The following PRKN variants were observed in gnomAD, a reference collection of about 807,000 sequenced individuals.
PRKN encodes parkin RBR E3 ubiquitin protein ligase, also known as E3 ubiquitin-protein ligase parkin.
Under a neutral mutation model 59.5 loss-of-function variants are expected in PRKN, and 56 were observed. The ratio of observed to expected loss-of-function variants is 0.94; its 90% CI spans 0.76 to 1.18. PRKN has a LOEUF of 1.18. PRKN is among the 50% of genes most tolerant of loss of function. The pLI is 0.00. For missense variants in PRKN, 657 were observed against 596.4 expected, an observed-to-expected ratio of 1.10 and a Z score of -1.06; for synonymous variants, 250 against 222.1, an observed-to-expected ratio of 1.13 and a Z score of -1.12.
At chr6:162,138,711 T>C (rs778270807) in intron 4 of PRKN, among the ~76,000 whole-genome samples, 1 of 151,900 alleles carries the variant, frequency 6.6e-6, no homozygotes, top group Non-Finnish European at 1.5e-5. Flanking sequence ...AAGTCTCAAA[T>C]GTAATATATG....
At chr6:162,715,559 G>T (rs1778690674) in intron 1 of PRKN, among the ~76,000 whole-genome samples, 2 of 152,102 alleles carry the variant, frequency 1.3e-5, no homozygotes, top group Non-Finnish European at 2.9e-5. Flanking sequence ...GCTTAATTTG[G>T]CTACTGGCAA....
chr6:162,351,163 C>T (rs1482934336), intron 2 of PRKN, among the ~76,000 whole-genome samples: 1 of 152,080 alleles, frequency 6.6e-6, no homozygotes, highest in Non-Finnish European at 1.5e-5. Context: ...TGTACTCCGG[C>T]CTGGGCCACA....
At chr6:161,596,884 A>G (rs745574967) in intron 7 of PRKN, among the ~76,000 whole-genome samples, 1 of 152,212 alleles carries the variant, frequency 6.6e-6, no homozygotes, top group Non-Finnish European at 1.5e-5. Context: ...ATGTCTCGGC[A>G]GCAGGGACTC....
intron 2 of PRKN, among the ~76,000 whole-genome samples, chr6:162,287,084 G>T (rs1781225737): frequency 6.6e-6 from 1 of 152,142 alleles, no homozygotes; most frequent in African/African-American, 2.4e-5. Flanking sequence ...TGTCTCCAAA[G>T]GCTGTCCCAT....
intron 6 of PRKN, among the ~76,000 whole-genome samples, chr6:161,944,337 T>C (rs894192278): frequency 1.3e-5 from 2 of 152,206 alleles, no homozygotes; most frequent in East Asian, 1.9e-4. Context: ...GGATACCCTG[T>C]AGTGCTCTTT....
intron 2 of PRKN, among the ~76,000 whole-genome samples, chr6:162,442,591 C>A (rs1308558119): frequency 6.6e-6 from 1 of 152,124 alleles, no homozygotes; most frequent in Non-Finnish European, 1.5e-5. Context: ...GTGTGTAGGG[C>A]TTTCATGGGG....
rs183784215 is a variant in PRKN, at chr6:162,503,298, G to C, written c.8-59825C>G. ...CCGCCTCAGCCTCCTGAGTAGGTGG[G>C]ATTACAGGCGCCCACCACTATGCCT... On this transcript the variant is annotated intron_variant, in intron 1 of 11. Transcript: ENST00000366898. Among the ~76,000 whole-genome samples the C allele has an allele frequency of 5.3e-3, 804 of 151,770 alleles. 6 individuals carry two copies. Among genetic ancestry groups the C allele is most frequent in the African/African-American group, 0.019 (777 of 41,372 alleles).
rs1252969393 is a variant in PRKN at position 162,379,692 on chromosome 6, G to A, written c.171+63618C>T. 2.6e-5 allele frequency among the ~76,000 whole-genome samples: 4 copies of A among 152,250 alleles called. No homozygotes were observed. The East Asian group carries it at 7.8e-4, about 30-fold the overall frequency. On this transcript the variant is annotated intron_variant, in intron 2 of 11. Coordinates refer to ENST00000366898, the MANE Select transcript of PRKN (RefSeq NM_004562.3). ...CATGCATGTGGACAGAGCTAGGCAG[G>A]TTTCCTTGGCGTCTCCTGGGGACGT...
At chr6:161,962,377 C>T (rs1583410211) in intron 6 of PRKN, among the ~76,000 whole-genome samples, 1 of 151,910 alleles carries the variant, frequency 6.6e-6, no homozygotes, top group East Asian at 1.9e-4. Context: ...ATAAAATTGC[C>T]ATTAGAAATA....
intron 6 of PRKN, among the ~76,000 whole-genome samples, chr6:161,839,498 C>T (rs986404972): frequency 1.3e-5 from 2 of 152,106 alleles, no homozygotes; most frequent in South Asian, 2.1e-4. Context: ...ACTGCATCCT[C>T]GCAGCCCAGG....
chr6:161,930,559 C>T (rs771759583), intron 6 of PRKN, among the ~76,000 whole-genome samples: 2 of 152,092 alleles, frequency 1.3e-5, no homozygotes, highest in Non-Finnish European at 2.9e-5. Flanking sequence ...ATGTTCTTGC[C>T]CATTGTAGAA....
At position 162,148,985 on chromosome 6, in the gene PRKN, C is replaced by T. The variant is rs143726530; in HGVS notation, c.534+52146G>A. ...AGGGTGGGGGTACTTACGGGACAAA[C>T]AGATTCTTCTCATTCATTCATACTT... On this transcript the variant is annotated intron_variant, in intron 4 of 11. Coordinates refer to ENST00000366898, the MANE Select transcript of PRKN (RefSeq NM_004562.3). Among the ~76,000 whole-genome samples, 153 of 152,204 alleles carry T rather than the reference C, an allele frequency of 1.0e-3. 1 individual carries two copies. Among genetic ancestry groups the T allele is most frequent in the African/African-American group, 3.0e-3 (124 of 41,502 alleles).
chr6:162,005,816 T>C (rs1782229585), intron 5 of PRKN, among the ~76,000 whole-genome samples: 1 of 152,146 alleles, frequency 6.6e-6, no homozygotes, highest in South Asian at 2.1e-4. Flanking sequence ...GTGCTAGATG[T>C]CAGGGTTGGA....
chr6:161,775,418 T>G (rs115402802), intron 7 of PRKN, among the ~76,000 whole-genome samples: 6,512 of 152,062 alleles, frequency 0.043, 456 homozygotes, highest in African/African-American at 0.14. Context: ...AATTTTTAAA[T>G]TTTTTGTAGA....
chr6:162,586,014 T>C (rs1781037234), intron 1 of PRKN, among the ~76,000 whole-genome samples: 1 of 152,140 alleles, frequency 6.6e-6, no homozygotes, highest in African/African-American at 2.4e-5. Flanking sequence ...CAATTTACAT[T>C]ATTTAACACA....
chr6:162,605,695 G>A (rs192626365), intron 1 of PRKN, among the ~76,000 whole-genome samples: 3 of 151,972 alleles, frequency 2.0e-5, no homozygotes, highest in Non-Finnish European at 4.4e-5. Context: ...GAAGTACTAG[G>A]GTAATGATTT....
chr6:161,535,946 G>A (rs1024405190), intron 9 of PRKN, among the ~76,000 whole-genome samples: 1 of 78,042 alleles, frequency 1.3e-5, no homozygotes, highest in Non-Finnish European at 2.4e-5. Context: ...TAGCCAGAGA[G>A]GAACAAAAAG....
intron 8 of PRKN, among the ~76,000 whole-genome samples, chr6:161,567,042 T>TTG (rs1554277348): frequency 8.0e-6 from 1 of 125,766 alleles, no homozygotes; most frequent in African/African-American, 3.1e-5. Context: ...TTTTTTTGTG[T>TTG]GTGTGTGTGT....
chr6:161,355,156 C>G lies in PRKN; in HGVS notation c.1285+4932G>C, dbSNP rs1784699351. 6.6e-6 allele frequency among the ~76,000 whole-genome samples: 1 copy of G among 152,212 alleles called. No homozygotes were observed. ...GAGCAGCAGGGGCTGCCTCCGCACA[C>G]CGGCGCGCGCACACCCGGTGTCTTT... On this transcript the variant is annotated intron_variant, in intron 11 of 11. Coordinates refer to ENST00000366898, the MANE Select transcript of PRKN (RefSeq NM_004562.3). The surrounding 1 kb of genome is among the most constrained non-coding windows in gnomAD (Gnocchi z 6.8).
Sources: allele counts gnomAD v4.1 joint callset (sites outside exome capture counted in the v4.1 genomes callset), GRCh38; gene constraint gnomAD v4.1.1; non-coding constraint Gnocchi (gnomAD v3.1); transcripts MANE v1.5; gene names NCBI Gene and HGNC (gene_info 2026-07-23, HGNC 2026-07-21).